Variants in TJP1 observed in about 807,000 individuals in gnomAD.
TJP1 encodes tight junction protein 1.
TJP1 carries 43 observed loss-of-function variants against 194.2 expected under a neutral mutation model. The observed-to-expected ratio is 0.22, with a 90% CI of 0.17 to 0.29. The LOEUF (loss-of-function observed/expected upper bound fraction) is 0.29. TJP1 is among the 10% of genes least tolerant of loss of function. The pLI, the probability that TJP1 is intolerant of heterozygous loss-of-function variation, is 1.00. For synonymous variants in TJP1, 801 were observed against 779.0 expected, an observed-to-expected ratio of 1.03 and a Z score of -0.47; for missense variants, 1,971 against 2,185.7, an observed-to-expected ratio of 0.90 and a Z score of 1.96.
At chr15:29,761,546 G>C in intron 7 of TJP1, 55 bp downstream of exon 7, 4 of 1,533,128 alleles carry the variant, frequency 2.6e-6, no homozygotes, top group Non-Finnish European at 3.5e-6. Context: ...AATCTCCCTA[G>C]TATTTTAAGA....
intron 1 of TJP1, among the ~76,000 whole-genome samples, chr15:29,820,847 C>G (rs2152006762): frequency 6.6e-6 from 1 of 152,280 alleles, no homozygotes; most frequent in East Asian, 1.9e-4. Context: ...AATACTATAT[C>G]CCTTAAAACA....
intron 1 of TJP1, among the ~76,000 whole-genome samples, chr15:29,804,157 TA>T (rs2048970165): frequency 6.6e-6 from 1 of 152,162 alleles, no homozygotes; most frequent in African/African-American, 2.4e-5. Flanking sequence ...CATGGTTGTT[TA>T]TATAACCAGG....
chr15:29,809,036 T>C (rs2878905), intron 1 of TJP1, among the ~76,000 whole-genome samples: 119,166 of 152,078 alleles, frequency 0.78, 47,464 homozygotes, highest in East Asian at 0.86. Flanking sequence ...CAAACTGAGA[T>C]ATGGTATATG....
chr15:29,778,446 A>G (rs1450656880), intron 2 of TJP1, among the ~76,000 whole-genome samples: 1 of 151,964 alleles, frequency 6.6e-6, no homozygotes, highest in Non-Finnish European at 1.5e-5. Context: ...AAAAGGTTCA[A>G]CTTTTCCCCA....
At chr15:29,808,019 G>A (rs1481644535) in intron 1 of TJP1, among the ~76,000 whole-genome samples, 1 of 152,186 alleles carries the variant, frequency 6.6e-6, no homozygotes, top group Admixed American at 6.5e-5. Context: ...TGTAATCCCA[G>A]CACTTTTGGA....
intron 2 of TJP1, among the ~76,000 whole-genome samples, chr15:29,880,090 C>G (rs1007037780): frequency 1.3e-5 from 2 of 151,774 alleles, no homozygotes; most frequent in Admixed American, 1.3e-4. Context: ...ATATTTACTG[C>G]TTTCCTCTCC....
chr15:29,949,516 C>T (rs1432536859), intron 2 of TJP1, among the ~76,000 whole-genome samples: 61 of 138,502 alleles, frequency 4.4e-4, no homozygotes, highest in Admixed American at 6.0e-4. Context: ...CCACCTCCAC[C>T]TCCACCACCA....
intron 2 of TJP1, among the ~76,000 whole-genome samples, chr15:29,948,102 T>C (rs1455116056): frequency 6.6e-6 from 1 of 152,014 alleles, no homozygotes; most frequent in Non-Finnish European, 1.5e-5. Context: ...CCATCTCTAC[T>C]AAAAAGACAA....
intron 2 of TJP1, among the ~76,000 whole-genome samples, chr15:29,858,207 C>T (rs2051935274): frequency 6.6e-6 from 1 of 152,108 alleles, no homozygotes; most frequent in African/African-American, 2.4e-5. Flanking sequence ...TCGAGACCAA[C>T]CTGGGCAACA....
intron 2 of TJP1, among the ~76,000 whole-genome samples, chr15:29,941,072 T>TA (rs538454530): frequency 1.3e-5 from 2 of 151,736 alleles, no homozygotes; most frequent in Non-Finnish European, 2.9e-5. Flanking sequence ...GTGAATGTAT[T>TA]AAAAAAAAAT....
downstream of TJP1, chr15:29,699,590 T>C (rs928827088): frequency 6.6e-6 from 1 of 152,210 alleles, no homozygotes. Flanking sequence ...ATGTAAATTA[T>C]ACCTTAACAA....
chr15:29,722,875 G>C (rs1293059624), intron 18 of TJP1, among the ~76,000 whole-genome samples: 1 of 152,216 alleles, frequency 6.6e-6, no homozygotes, highest in Non-Finnish European at 1.5e-5. Context: ...AGTCAACGGA[G>C]ATTATTTTGG....
intron 1 of TJP1, among the ~76,000 whole-genome samples, chr15:29,811,073 T>C (rs1011438876): frequency 1.1e-4 from 16 of 151,954 alleles, no homozygotes; most frequent in South Asian, 2.1e-4. Context: ...AAAGAGAAAG[T>C]TGACAGGAAG....
At chr15:29,968,139 G>A (rs2152329820) in intron 1 of TJP1, 2 of 985,448 alleles carry the variant, frequency 2.0e-6, no homozygotes, top group South Asian at 4.7e-5. Context: ...TGGAACGCAT[G>A]CAGGTGGAAT....
In TJP1 at chr15:29,726,709, C is replaced by T. The variant is rs930934022; in HGVS notation, c.2311+72G>A. The T allele has an allele frequency of 3.5e-5, 49 of 1,405,988 alleles. 1 individual carries two copies. The highest frequency in any genetic ancestry group is 3.6e-4 in the Middle Eastern group (2 of 5,542). The allele number at this position is 1,405,988 out of a possible 1,614,324, so 87.1% of individuals were successfully genotyped here. Reference sequence around the variant, plus strand: ...CATGTAAGTTTTAGTATTTGAACACCGTAACATTTTGGCCTACTTAATGTT... The same window carrying T: ...CATGTAAGTTTTAGTATTTGAACACTGTAACATTTTGGCCTACTTAATGTT... On this transcript the variant is annotated intron_variant, in intron 17 of 27. Coordinates refer to ENST00000614355, the MANE Select transcript of TJP1 (RefSeq NM_001330239.4).
Position 29,726,397 on chromosome 15 carries a change from T to A in TJP1, c.2394A>T (p.Val798=), listed in dbSNP as rs1402385340. The A allele has an allele frequency of 3.1e-6, 5 of 1,614,090 alleles. No homozygotes were observed. The South Asian group carries it at 4.4e-5, about 14-fold the overall frequency. Residue 798 remains valine, a synonymous_variant, in exon 18 of 28, where the codon GTA becomes GTT. Coordinates refer to ENST00000614355, the MANE Select transcript of TJP1 (RefSeq NM_001330239.4). ...EAIQQQQNQL[V]WVSEGKADGA... ...GTCTTACCTTTCCCTCGGAAACCCA[T>A]ACCAGCTGGTTTTGCTGTTGTTGAA...
At chr15:29,903,249 A>G (rs577594240) in intron 2 of TJP1, among the ~76,000 whole-genome samples, 1 of 152,226 alleles carries the variant, frequency 6.6e-6, no homozygotes, top group Admixed American at 6.5e-5. Context: ...CTCAAGATGA[A>G]TATTTTATAA....
Position 29,716,738 on chromosome 15 carries a change from G to A in TJP1, c.4075C>T (p.Leu1359=). The part of the protein sequence containing the change: ...EEDEEYYRKQ[L]SYFDRRSFEN... ...AAACTTCTTCGGTCAAAGTATGACA[G>A]CTGTTTTCGATAATATTCTTCATCT... Residue 1359 remains leucine, a synonymous_variant, in exon 23 of 28, where the codon CTG becomes TTG. Coordinates refer to ENST00000614355, the MANE Select transcript of TJP1 (RefSeq NM_001330239.4). 1 of 1,614,140 alleles carries A rather than the reference G, an allele frequency of 6.2e-7. No individual in the cohort carries two copies.
chr15:29,775,876 A>G (rs1403863139), intron 2 of TJP1, among the ~76,000 whole-genome samples: 1 of 152,148 alleles, frequency 6.6e-6, no homozygotes, highest in African/African-American at 2.4e-5. Context: ...ATTTCTGGAG[A>G]AAAAAGCAGC....
Sources: allele counts gnomAD v4.1 joint callset (sites outside exome capture counted in the v4.1 genomes callset), GRCh38; gene constraint gnomAD v4.1.1; transcripts MANE v1.5; gene names NCBI Gene and HGNC (gene_info 2026-07-23, HGNC 2026-07-21).